Variants in EYS observed in about 807,000 individuals in gnomAD.
The protein encoded by EYS is EGF-like photoreceptor maintenance factor, also known as protein eyes shut homolog.
In EYS, 250 loss-of-function variants were observed where a neutral mutation model predicts 282.1. The observed-to-expected ratio is 0.89, with a 90% CI of 0.80 to 0.98. EYS has a LOEUF of 0.98. Among genes scored for constraint, EYS ranks in the 50% least tolerant of loss-of-function variants. The pLI is 0.00. For synonymous variants in EYS, 1,355 were observed against 1,282.9 expected, an observed-to-expected ratio of 1.06 and a Z score of -1.20; for missense variants, 4,016 against 3,709.0, an observed-to-expected ratio of 1.08 and a Z score of -2.15.
intron 26 of EYS, among the ~76,000 whole-genome samples, chr6:64,443,466 T>A (rs1230266352): frequency 6.6e-6 from 1 of 152,124 alleles, no homozygotes; most frequent in Non-Finnish European, 1.5e-5. Flanking sequence ...ACAATTGGTT[T>A]TGAAATGTGA....
At chr6:64,273,143 C>T (rs1367442206) in intron 30 of EYS, among the ~76,000 whole-genome samples, 2 of 152,276 alleles carry the variant, frequency 1.3e-5, no homozygotes, top group African/African-American at 4.8e-5. Flanking sequence ...TAACATTTCT[C>T]AGTTGCTTAC....
chr6:65,411,745 ATTGTCTTTT>A lies in EYS; in HGVS notation c.863-6387_863-6379del, dbSNP rs1767022513. ...ACCATACAATATGTAACTTTTTGGA[ATTGTCTTTT>A]TTGTCCCTCTTGTTATAATGCCCTT... On this transcript the variant is annotated intron_variant, in intron 5 of 42. Transcript: ENST00000503581. Among the ~76,000 whole-genome samples the A allele has an allele frequency of 5.3e-5, 8 of 151,440 alleles. No homozygotes were observed. The South Asian group carries it at 1.7e-3, about 32-fold the overall frequency.
At chr6:64,443,754 G>A (rs1050347444) in intron 26 of EYS, among the ~76,000 whole-genome samples, 2 of 152,122 alleles carry the variant, frequency 1.3e-5, no homozygotes, top group African/African-American at 4.8e-5. Context: ...TGCCATCTAT[G>A]TAATATGTGA....
chr6:64,324,576 C>A (rs192006876), intron 29 of EYS, among the ~76,000 whole-genome samples: 1 of 152,016 alleles, frequency 6.6e-6, no homozygotes. Flanking sequence ...ACAAGGATGC[C>A]CCTCACATCA....
intron 12 of EYS, among the ~76,000 whole-genome samples, chr6:65,126,413 C>T (rs1359903964): frequency 6.6e-6 from 1 of 152,126 alleles, no homozygotes; most frequent in Non-Finnish European, 1.5e-5. Context: ...TGACAAATTT[C>T]TGGTTTCTAG....
chr6:65,559,948 T>C (rs1419283712), intron 2 of EYS, among the ~76,000 whole-genome samples: 1 of 151,220 alleles, frequency 6.6e-6, no homozygotes, highest in African/African-American at 2.4e-5. Flanking sequence ...TAAAATACTT[T>C]CTAGTTTCTT....
At chr6:65,066,616 T>A (rs1773753553) in intron 12 of EYS, among the ~76,000 whole-genome samples, 1 of 152,164 alleles carries the variant, frequency 6.6e-6, no homozygotes, top group South Asian at 2.1e-4. Flanking sequence ...AATAATCTTG[T>A]CTCAGTTTTT....
At chr6:64,311,114 T>C (rs1359804196) in intron 29 of EYS, among the ~76,000 whole-genome samples, 1 of 152,106 alleles carries the variant, frequency 6.6e-6, no homozygotes, top group Non-Finnish European at 1.5e-5. Flanking sequence ...AAAACATAAG[T>C]GAAACCTGAA....
intron 18 of EYS, among the ~76,000 whole-genome samples, chr6:64,889,798 A>G (rs1767221156): frequency 6.6e-6 from 1 of 152,006 alleles, no homozygotes; most frequent in African/African-American, 2.4e-5. Context: ...TTAACTGCAC[A>G]AATTGTAGAG....
At chr6:65,064,661 T>C (rs1773690046) in intron 12 of EYS, among the ~76,000 whole-genome samples, 1 of 151,472 alleles carries the variant, frequency 6.6e-6, no homozygotes, top group South Asian at 2.1e-4. Context: ...ATATGATTTA[T>C]ATTATGGTTC....
At chr6:65,446,405 T>TA in intron 5 of EYS, among the ~76,000 whole-genome samples, 1 of 151,996 alleles carries the variant, frequency 6.6e-6, no homozygotes, top group East Asian at 1.9e-4. Flanking sequence ...AAAGTATTTT[T>TA]AAGCCTGAAA....
chr6:63,952,546 C>A (rs1375781740), intron 35 of EYS, among the ~76,000 whole-genome samples: 2 of 152,178 alleles, frequency 1.3e-5, no homozygotes, highest in Non-Finnish European at 2.9e-5. Context: ...GGCTTCTAAA[C>A]CTCTTAAAAC....
intron 29 of EYS, among the ~76,000 whole-genome samples, chr6:64,366,191 C>G (rs922881578): frequency 1.3e-5 from 2 of 151,948 alleles, no homozygotes; most frequent in Non-Finnish European, 2.9e-5. Context: ...GACTCAGTGA[C>G]AGCATTATGA....
chr6:64,976,351 T>C (rs1770474358), intron 14 of EYS, among the ~76,000 whole-genome samples: 1 of 151,860 alleles, frequency 6.6e-6, no homozygotes, highest in African/African-American at 2.4e-5. Context: ...GAGTGGTGTT[T>C]GGTTTATTCA....
chr6:64,968,931 T>A (rs1000805216), intron 14 of EYS, among the ~76,000 whole-genome samples: 1 of 152,208 alleles, frequency 6.6e-6, no homozygotes, highest in Admixed American at 6.5e-5. Flanking sequence ...CTCTTTTCCC[T>A]CAATTCAAGA....
At chr6:64,306,799 A>G (rs1346666473) in intron 30 of EYS, among the ~76,000 whole-genome samples, 171 bp downstream of exon 30, 1 of 152,212 alleles carries the variant, frequency 6.6e-6, no homozygotes, top group East Asian at 1.9e-4. Flanking sequence ...TTGGGATATA[A>G]CTTAAAAATT....
chr6:64,079,641 T>G (rs145049175), intron 32 of EYS, among the ~76,000 whole-genome samples: 1,753 of 152,276 alleles, frequency 0.012, 29 homozygotes, highest in African/African-American at 0.04. Flanking sequence ...GTTACATATG[T>G]ATACATGTGC....
At chr6:63,832,844 A>G (rs1201318595) in intron 36 of EYS, among the ~76,000 whole-genome samples, 1 of 152,238 alleles carries the variant, frequency 6.6e-6, no homozygotes, top group African/African-American at 2.4e-5. Flanking sequence ...CAAATCCAGC[A>G]GCACATCAAA....
rs763987377 is a variant in EYS, at chr6:64,147,188, C to T, written c.6425-65186G>A. 5.9e-5 allele frequency among the ~76,000 whole-genome samples: 9 copies of T among 152,142 alleles called. No homozygotes were observed. In the South Asian group the frequency reaches 6.2e-4, roughly 11 times the overall value. On this transcript the variant is annotated intron_variant, in intron 31 of 42. Coordinates refer to ENST00000503581, the MANE Select transcript of EYS (RefSeq NM_001142800.2). ...ACTTTGCTATTCTTTTTTTTAGTATCTGCCGTTGGGAGATCAATTGTTCCT... is the reference window on the plus strand; with the variant it reads ...ACTTTGCTATTCTTTTTTTTAGTATTTGCCGTTGGGAGATCAATTGTTCCT...
Sources: gnomAD v4.1 joint callset for allele counts (sites outside exome capture counted in the v4.1 genomes callset) on GRCh38, gnomAD v4.1.1 for gene constraint, MANE v1.5 for transcripts, NCBI Gene and HGNC (gene_info 2026-07-23, HGNC 2026-07-21) for gene names.